The following RGS6 variants were observed in gnomAD, a reference collection of about 807,000 sequenced individuals.
RGS6 encodes the protein regulator of G protein signaling 6, also known as regulator of G-protein signaling 6.
Under a neutral mutation model 78.5 loss-of-function variants are expected in RGS6, and 30 were observed. The observed-to-expected ratio is 0.38, with a 90% CI of 0.29 to 0.52. RGS6 has a LOEUF of 0.52. Ranked by LOEUF, RGS6 falls within the 20% of genes least tolerant of loss-of-function variation. The pLI is 0.85. For synonymous variants in RGS6, 206 were observed against 206.0 expected (o/e 1.00, Z 0.00); for missense variants, 495 against 609.7 (o/e 0.81, Z 1.98).
At chr14:72,044,890 A>G (rs1456195125) in intron 2 of RGS6, among the ~76,000 whole-genome samples, 1 of 152,226 alleles carries the variant, frequency 6.6e-6, no homozygotes, top group Non-Finnish European at 1.5e-5. Context: ...AAAAAAAACC[A>G]AACTAACAAA....
chr14:72,153,652 A>T (rs2096726806), intron 2 of RGS6, among the ~76,000 whole-genome samples: 1 of 152,156 alleles, frequency 6.6e-6, no homozygotes, highest in South Asian at 2.1e-4. Flanking sequence ...TATCGGTAGG[A>T]CCTTGATGCC....
intron 2 of RGS6, among the ~76,000 whole-genome samples, chr14:72,297,894 A>C (rs2065194505): frequency 6.6e-6 from 1 of 151,920 alleles, no homozygotes; most frequent in Non-Finnish European, 1.5e-5. Flanking sequence ...TAGTATTTTA[A>C]CATGTTACAT....
At position 72,055,341 on chromosome 14, in the gene RGS6, A is replaced by G. The variant is rs571959036; in HGVS notation, c.84+90466A>G. 5.3e-5 allele frequency among the ~76,000 whole-genome samples: 8 copies of G among 152,302 alleles called. No individual in the cohort carries two copies. In the South Asian group the frequency reaches 1.7e-3, roughly 32 times the overall value. ...TTTTTTTGCCAATTTTGTGTTTATAAATCTACTGATATACTTCTTAAGTAT... is the reference window on the plus strand; with the variant it reads ...TTTTTTTGCCAATTTTGTGTTTATAGATCTACTGATATACTTCTTAAGTAT... On this transcript the variant is annotated intron_variant, in intron 2 of 17. Coordinates refer to ENST00000553525, the MANE Select transcript of RGS6 (RefSeq NM_001204424.2).
intron 2 of RGS6, among the ~76,000 whole-genome samples, chr14:72,054,292 C>G (rs2093497006): frequency 6.6e-6 from 1 of 151,928 alleles, no homozygotes. Context: ...GTTTTTCCTT[C>G]TTTCATAACA....
intron 3 of RGS6, among the ~76,000 whole-genome samples, chr14:72,412,074 G>C (rs574804852): frequency 3.3e-5 from 5 of 152,136 alleles, no homozygotes; most frequent in Admixed American, 1.3e-4. Context: ...GGATGACGCT[G>C]GCCTCATAAA....
rs144812190 is a variant in RGS6 at position 72,192,773 on chromosome 14, T to C, written c.85-159322T>C. Among the ~76,000 whole-genome samples, 25 of 152,314 alleles carry C rather than the reference T, an allele frequency of 1.6e-4. 1 individual carries two copies. The East Asian group carries it at 4.8e-3, about 29-fold the overall frequency. ...TTTCTTTCGTTCACTGTCTCAGAGTTATTTTATCCTTTTCACCACGAGGGA... is the reference window on the plus strand; with the variant it reads ...TTTCTTTCGTTCACTGTCTCAGAGTCATTTTATCCTTTTCACCACGAGGGA... On this transcript the variant is annotated intron_variant, in intron 2 of 17. Transcript: ENST00000553525.
chr14:72,578,760 G>A, the RGS6 span, among the ~76,000 whole-genome samples: 2 of 152,210 alleles, frequency 1.3e-5, no homozygotes, highest in African/African-American at 4.8e-5. Flanking sequence ...AATTCTGGGG[G>A]CCAAGAATAC....
the RGS6 span, among the ~76,000 whole-genome samples, chr14:72,629,000 T>C: frequency 6.6e-6 from 1 of 152,228 alleles, no homozygotes; most frequent in African/African-American, 2.4e-5. Flanking sequence ...ATGGGCCTTA[T>C]TTGAATCCCA....
chr14:72,131,207 A>T (rs907428788), intron 2 of RGS6, among the ~76,000 whole-genome samples: 2 of 152,128 alleles, frequency 1.3e-5, no homozygotes, highest in African/African-American at 4.8e-5. Context: ...TTTCAACCCA[A>T]TCTTGCTAAA....
chr14:72,593,226 G>A, the RGS6 span, among the ~76,000 whole-genome samples: 1 of 152,158 alleles, frequency 6.6e-6, no homozygotes, highest in Non-Finnish European at 1.5e-5. Context: ...TCAGATCTGT[G>A]CATCTTAGCT....
the RGS6 span, among the ~76,000 whole-genome samples, chr14:71,907,340 G>C: frequency 6.6e-6 from 1 of 152,168 alleles, no homozygotes; most frequent in Non-Finnish European, 1.5e-5. Context: ...ACTGGATTGA[G>C]ATCTGAATGA....
At chr14:72,240,870 C>G (rs151070173) in intron 2 of RGS6, among the ~76,000 whole-genome samples, 2 of 152,054 alleles carry the variant, frequency 1.3e-5, no homozygotes, top group Admixed American at 6.5e-5. Flanking sequence ...ATTAAACTTA[C>G]GCCTTTGGCC....
intron 2 of RGS6, among the ~76,000 whole-genome samples, chr14:71,988,720 C>A (rs971346442): frequency 6.6e-6 from 1 of 152,090 alleles, no homozygotes; most frequent in African/African-American, 2.4e-5. Context: ...CGGCAAATGT[C>A]CTTGTTGGGA....
At chr14:72,320,367 G>C (rs1164529228) in intron 2 of RGS6, among the ~76,000 whole-genome samples, 1 of 151,910 alleles carries the variant, frequency 6.6e-6, no homozygotes, top group South Asian at 2.1e-4. Context: ...TCACGAGGTC[G>C]GGAGATCGAG....
Position 72,254,010 on chromosome 14 carries a change from C to A in RGS6, c.85-98085C>A, listed in dbSNP as rs2056488038. Among the ~76,000 whole-genome samples, 3 of 152,136 alleles carry A rather than the reference C, an allele frequency of 2.0e-5. No individual in the cohort carries two copies. The South Asian group carries it at 6.2e-4, about 32-fold the overall frequency. On this transcript the variant is annotated intron_variant, in intron 2 of 17. Transcript: ENST00000553525. ...TCTTTATAATGTTTGCGTTGTAGAC[C>A]ACGATGACAGAATTTACTTAACGAT...
chr14:71,933,987 G>A (rs2088457621), intron 1 of RGS6, among the ~76,000 whole-genome samples: 2 of 152,292 alleles, frequency 1.3e-5, no homozygotes, highest in Middle Eastern at 3.4e-3. Context: ...TAAATGTGTT[G>A]ACAACACGGC....
chr14:72,468,759 T>A (rs1405807387), intron 7 of RGS6, among the ~76,000 whole-genome samples: 1 of 152,226 alleles, frequency 6.6e-6, no homozygotes, highest in African/African-American at 2.4e-5. Context: ...AATTCTATGC[T>A]ATGACTGTGT....
At chr14:71,882,667 A>G in the RGS6 span, among the ~76,000 whole-genome samples, 1 of 152,226 alleles carries the variant, frequency 6.6e-6, no homozygotes, top group African/African-American at 2.4e-5. Context: ...CTTGCCCAAT[A>G]GCAATGAAAA....
intron 2 of RGS6, among the ~76,000 whole-genome samples, chr14:72,192,224 G>A (rs1456099097): frequency 6.6e-6 from 1 of 152,166 alleles, no homozygotes; most frequent in Non-Finnish European, 1.5e-5. Flanking sequence ...TGTTTTCCTG[G>A]TGGGGAGTGT....
Sources: allele counts gnomAD v4.1 joint callset (sites outside exome capture counted in the v4.1 genomes callset), GRCh38; gene constraint gnomAD v4.1.1; transcripts MANE v1.5; gene names NCBI Gene and HGNC (gene_info 2026-07-23, HGNC 2026-07-21).